The following SARNP variants were observed in gnomAD, a reference collection of about 807,000 sequenced individuals.
SARNP encodes SAP domain containing ribonucleoprotein, also known as SAP domain-containing ribonucleoprotein.
SARNP carries 5 observed loss-of-function variants against 38.1 expected under a neutral mutation model. The ratio of observed to expected loss-of-function variants is 0.13; its 90% CI spans 0.07 to 0.28. The LOEUF is 0.28. SARNP is among the 10% of genes least tolerant of loss of function. The pLI, the probability that SARNP is intolerant of heterozygous loss-of-function variation, is 1.00. For missense variants in SARNP, 180 were observed against 243.9 expected (o/e 0.74, Z 1.75); for synonymous variants, 84 against 80.6 (o/e 1.04, Z -0.23).
At chr12:55,808,577 A>G (rs998892908) in intron 1 of SARNP, among the ~76,000 whole-genome samples, 2 of 152,150 alleles carry the variant, frequency 1.3e-5, no homozygotes, top group African/African-American at 4.8e-5. Context: ...GATTACAGAC[A>G]TGAGCCACCA....
At chr12:55,759,856 G>C (rs1479011932) in intron 10 of SARNP, among the ~76,000 whole-genome samples, 2 of 152,054 alleles carry the variant, frequency 1.3e-5, no homozygotes, top group Non-Finnish European at 2.9e-5. Context: ...TCCCATCTCA[G>C]CCTCCTGAGT....
chr12:55,763,530 A>G (rs1293032134), intron 9 of SARNP, among the ~76,000 whole-genome samples: 1 of 151,916 alleles, frequency 6.6e-6, no homozygotes, highest in Non-Finnish European at 1.5e-5. Context: ...CTGGTCTCGA[A>G]CTCCTGACCT....
chr12:55,793,384 T>G (rs1464752757), intron 7 of SARNP: 2 of 152,150 alleles, frequency 1.3e-5, no homozygotes, highest in East Asian at 3.8e-4. Flanking sequence ...TCATTCAAAA[T>G]TCCACCAACC....
chr12:55,791,277 C>T (rs914807001), intron 7 of SARNP, among the ~76,000 whole-genome samples: 1 of 152,128 alleles, frequency 6.6e-6, no homozygotes, highest in African/African-American at 2.4e-5. Context: ...TGTGAATATA[C>T]TATGAAATAA....
intron 9 of SARNP, among the ~76,000 whole-genome samples, chr12:55,760,947 C>T (rs1317132261): frequency 6.6e-6 from 1 of 152,038 alleles, no homozygotes; most frequent in Non-Finnish European, 1.5e-5. Flanking sequence ...GAGGCTGAGG[C>T]GGGTGGATCA....
In SARNP at chr12:55,803,618, A is replaced by C; in HGVS notation, c.136+11T>G. The C allele has an allele frequency of 6.4e-7, 1 of 1,560,468 alleles. No homozygotes were observed. Among genetic ancestry groups the C allele is most frequent in the Non-Finnish European group, 8.8e-7 (1 of 1,139,192 alleles). On this transcript the variant is annotated intron_variant, in intron 2 of 10. Coordinates refer to ENST00000336133, the MANE Select transcript of SARNP (RefSeq NM_033082.4). The stretch of plus-strand genomic sequence containing the variant: ...CTCACTCACATCACTCCGCCTCCAC[A>C]AAGTACTCACCATGTTCTTCAAGAT...
chr12:55,800,479 A>G (rs1001642014), intron 4 of SARNP, 83 bp downstream of exon 4: 7 of 995,952 alleles, frequency 7.0e-6, no homozygotes, highest in Non-Finnish European at 9.1e-6. Flanking sequence ...GGAACATGTA[A>G]GAGGTAAACA....
intron 9 of SARNP, among the ~76,000 whole-genome samples, chr12:55,771,200 C>T (rs367910087): frequency 3.6e-4 from 54 of 152,012 alleles, no homozygotes; most frequent in African/African-American, 1.3e-3. Context: ...TCAGGTGATC[C>T]GCCTGCCCCG....
At chr12:55,770,671 A>C (rs1256678644) in intron 9 of SARNP, among the ~76,000 whole-genome samples, 4 of 152,190 alleles carry the variant, frequency 2.6e-5, no homozygotes, top group Non-Finnish European at 5.9e-5. Context: ...TATTTTCTAA[A>C]GTGTCTGTTC....
chr12:55,794,252 GTT>G, intron 7 of SARNP, 105 bp downstream of exon 7: 1 of 1,015,666 alleles, frequency 9.8e-7, no homozygotes, highest in Non-Finnish European at 1.5e-6. Flanking sequence ...CTCTTAAAGA[GTT>G]TCTACAGCTA....
intron 9 of SARNP, among the ~76,000 whole-genome samples, chr12:55,783,584 G>C (rs898768145): frequency 6.6e-6 from 1 of 152,092 alleles, no homozygotes; most frequent in Non-Finnish European, 1.5e-5. Context: ...GGGGAGGCTG[G>C]GGGGAGGTGG....
At chr12:55,779,886 C>T (rs912114179) in intron 9 of SARNP, among the ~76,000 whole-genome samples, 1 of 152,122 alleles carries the variant, frequency 6.6e-6, no homozygotes, top group African/African-American at 2.4e-5. Flanking sequence ...GTGGCCCAAC[C>T]CTGCAATCCC....
intron 9 of SARNP, among the ~76,000 whole-genome samples, chr12:55,775,873 C>A (rs909838106): frequency 6.6e-6 from 1 of 152,078 alleles, no homozygotes; most frequent in Non-Finnish European, 1.5e-5. Context: ...TAACTGAACC[C>A]ACATATATAA....
In SARNP at chr12:55,806,099, G is replaced by C. The variant is rs143533210; in HGVS notation, c.37-2371C>G. Among the ~76,000 whole-genome samples the C allele has an allele frequency of 3.6e-3, 545 of 151,426 alleles. 2 individuals are homozygous for C. Among genetic ancestry groups the C allele is most frequent in the Admixed American group, 6.0e-3 (91 of 15,212 alleles). On this transcript the variant is annotated intron_variant, in intron 1 of 10. Coordinates refer to ENST00000336133, the MANE Select transcript of SARNP (RefSeq NM_033082.4). ...TTTTAAAAAAAAAAATGACTGCAGA[G>C]TGACTGGAGAGCATAGCCTCTGAAG...
At chr12:55,771,718 T>C (rs981482940) in intron 9 of SARNP, among the ~76,000 whole-genome samples, 1 of 151,990 alleles carries the variant, frequency 6.6e-6, no homozygotes, top group African/African-American at 2.4e-5. Flanking sequence ...TGTAAATGAG[T>C]TACCATACTA....
At chr12:55,756,525 G>A (rs974894719), downstream of SARNP, 7 of 152,182 alleles carry the variant, frequency 4.6e-5, no homozygotes, top group Admixed American at 6.5e-5. Context: ...CCTGATCATA[G>A]TACCAAAGTC....
rs573474213 is a variant in SARNP at position 55,776,724 on chromosome 12, ACTAT to A, written c.501+12347_501+12350del. On this transcript the variant is annotated intron_variant, in intron 9 of 10. Coordinates refer to ENST00000336133, the MANE Select transcript of SARNP (RefSeq NM_033082.4). ...TGCTTCACTTAGAAAGGCCAGGCCA[ACTAT>A]CTATCACCCTAAAATTAGATATACA... 1.6e-4 allele frequency among the ~76,000 whole-genome samples: 24 copies of A among 152,320 alleles called. 1 individual carries two copies. The highest frequency in any genetic ancestry group is 4.1e-4 in the African/African-American group (17 of 41,574).
At chr12:55,803,869 G>A in intron 1 of SARNP, 141 bp from the exon 2 acceptor site, 1 of 585,854 alleles carries the variant, frequency 1.7e-6, no homozygotes, top group South Asian at 2.2e-5. Context: ...AAGGCTCTAG[G>A]TCCACAAAGA....
In SARNP at chr12:55,796,004, A is replaced by G. The variant is rs1377895267; in HGVS notation, c.303+21T>C. ...GAGAGAGAAATGTAGAGACTGTTCT[A>G]CTAGGGAGCAGAATACCTACCTCAG... On this transcript the variant is annotated intron_variant, in intron 5 of 10. Coordinates refer to ENST00000336133, the MANE Select transcript of SARNP (RefSeq NM_033082.4). 13 of 1,540,100 alleles carry G rather than the reference A, an allele frequency of 8.4e-6. No individual in the cohort carries two copies. In the African/African-American group the frequency reaches 1.5e-4, roughly 18 times the overall value.
Sources: allele counts gnomAD v4.1 joint callset (sites outside exome capture counted in the v4.1 genomes callset), GRCh38; gene constraint gnomAD v4.1.1; transcripts MANE v1.5; gene names NCBI Gene and HGNC (gene_info 2026-07-23, HGNC 2026-07-21).